Variants in ARHGEF37 observed in about 807,000 individuals in gnomAD.
ARHGEF37 encodes the protein Rho guanine nucleotide exchange factor (GEF) 37.
Under a neutral mutation model 71.1 loss-of-function variants are expected in ARHGEF37, and 55 were observed. That is an observed-to-expected ratio of 0.77 (90% confidence interval 0.62 to 0.97). The LOEUF (loss-of-function observed/expected upper bound fraction) is 0.97. ARHGEF37 is among the 50% of genes least tolerant of loss of function. ARHGEF37 has a pLI of 0.00. For synonymous variants in ARHGEF37, 327 were observed against 350.6 expected, an observed-to-expected ratio of 0.93 and a Z score of 0.75; for missense variants, 765 against 836.8, an observed-to-expected ratio of 0.91 and a Z score of 1.06.
At chr5:149,582,633 ATAGC>A (rs1396751779) in intron 1 of ARHGEF37, among the ~76,000 whole-genome samples, 2 of 150,194 alleles carry the variant, frequency 1.3e-5, no homozygotes, top group Non-Finnish European at 1.5e-5. Flanking sequence ...ATATTTCAAA[ATAGC>A]TAGAAGAGAA....
intron 1 of ARHGEF37, among the ~76,000 whole-genome samples, chr5:149,562,928 T>A (rs1262784269): frequency 1.3e-5 from 2 of 152,054 alleles, no homozygotes; most frequent in Non-Finnish European, 2.9e-5. Context: ...ATCATCCCCC[T>A]CCCCCCTTGG....
intron 3 of ARHGEF37, among the ~76,000 whole-genome samples, chr5:149,608,327 A>C (rs1171049937): frequency 6.6e-6 from 1 of 150,514 alleles, no homozygotes; most frequent in African/African-American, 2.4e-5. Context: ...TTACATATGT[A>C]ATATGACATA....
chr5:149,606,564 T>C (rs1400644681), intron 3 of ARHGEF37: 1 of 152,218 alleles, frequency 6.6e-6, no homozygotes, highest in East Asian at 1.9e-4. Context: ...TAATATATTT[T>C]TCTTCACCCT....
intron 7 of ARHGEF37, among the ~76,000 whole-genome samples, chr5:149,619,531 A>G (rs1186184268): frequency 1.3e-5 from 2 of 152,214 alleles, no homozygotes; most frequent in Non-Finnish European, 2.9e-5. Flanking sequence ...AGGAGCAGCT[A>G]TTCCTCAGCT....
At chr5:149,602,665 AAGG>A (rs533917399) in intron 3 of ARHGEF37, among the ~76,000 whole-genome samples, 270 of 152,022 alleles carry the variant, frequency 1.8e-3, no homozygotes, top group South Asian at 4.0e-3. Context: ...AGCAGAAAGA[AAGG>A]AGGAGTGGGT....
chr5:149,553,515 A>C (rs1762714138), intron 1 of ARHGEF37, among the ~76,000 whole-genome samples: 1 of 151,974 alleles, frequency 6.6e-6, no homozygotes. Flanking sequence ...CACACATCCA[A>C]AGTTTAATGG....
intron 5 of ARHGEF37, 104 bp from the exon 6 acceptor site, chr5:149,618,072 A>G (rs1053685360): frequency 1.3e-6 from 2 of 1,491,630 alleles, no homozygotes; most frequent in Admixed American, 1.8e-5. Context: ...TGTGACCCTG[A>G]TGGAGCAGAG....
intron 5 of ARHGEF37, among the ~76,000 whole-genome samples, 184 bp downstream of exon 5, chr5:149,616,950 T>C (rs1162498637): frequency 3.3e-5 from 5 of 152,222 alleles, no homozygotes; most frequent in Admixed American, 6.5e-5. Context: ...GTAACTCCCT[T>C]GTCTCTGCTC....
chr5:149,590,306 G>A (rs954008665), intron 1 of ARHGEF37, among the ~76,000 whole-genome samples: 2 of 148,964 alleles, frequency 1.3e-5, no homozygotes, highest in Non-Finnish European at 3.0e-5. Context: ...TTTTGAGATG[G>A]AGTCTCACTC....
At chr5:149,625,067 T>G (rs1473623810) in intron 10 of ARHGEF37, among the ~76,000 whole-genome samples, 1 of 151,778 alleles carries the variant, frequency 6.6e-6, no homozygotes, top group African/African-American at 2.4e-5. Context: ...CCTGGCTAAT[T>G]TTGTATTTTT....
chr5:149,595,506 A>T (rs1763519981), intron 1 of ARHGEF37, among the ~76,000 whole-genome samples: 7 of 152,216 alleles, frequency 4.6e-5, no homozygotes, highest in Admixed American at 4.6e-4. Context: ...AAAACATTAT[A>T]CAGGTCTGTA....
intron 10 of ARHGEF37, among the ~76,000 whole-genome samples, chr5:149,626,391 C>A (rs1316857210): frequency 6.6e-6 from 1 of 152,180 alleles, no homozygotes; most frequent in African/African-American, 2.4e-5. Context: ...TGTTGATACT[C>A]TTCTGGAAGC....
At chr5:149,598,042 A>G (rs762225806) in intron 2 of ARHGEF37, 87 bp downstream of exon 2, 9 of 1,444,770 alleles carry the variant, frequency 6.2e-6, no homozygotes, top group Non-Finnish European at 8.3e-6. Flanking sequence ...TTCCTGGGGC[A>G]AGCTTGACAG....
chr5:149,587,835 T>G (rs1278343890), intron 1 of ARHGEF37, among the ~76,000 whole-genome samples: 1 of 152,048 alleles, frequency 6.6e-6, no homozygotes, highest in African/African-American at 2.4e-5. Flanking sequence ...AAACCAGGCT[T>G]GGTAGCCAGG....
chr5:149,588,532 C>G (rs1196913212), intron 1 of ARHGEF37, among the ~76,000 whole-genome samples: 1 of 152,032 alleles, frequency 6.6e-6, no homozygotes, highest in African/African-American at 2.4e-5. Flanking sequence ...CTCCTGGCCT[C>G]ATGTGATCTG....
chr5:149,583,242 T>A (rs1421455067), intron 1 of ARHGEF37, among the ~76,000 whole-genome samples: 1 of 152,208 alleles, frequency 6.6e-6, no homozygotes, highest in East Asian at 1.9e-4. Context: ...GTTCAAGCAA[T>A]TCTCCTGCCT....
chr5:149,601,571 A>G (rs1561796478), intron 3 of ARHGEF37, among the ~76,000 whole-genome samples: 1 of 152,250 alleles, frequency 6.6e-6, no homozygotes, highest in Non-Finnish European at 1.5e-5. Flanking sequence ...CAGGCACAGC[A>G]TCAACGAGAG....
upstream of ARHGEF37, among the ~76,000 whole-genome samples, chr5:149,580,983 C>G (rs375263435): frequency 5.3e-5 from 8 of 152,312 alleles, no homozygotes; most frequent in African/African-American, 1.9e-4. Flanking sequence ...CAGTGTCTTG[C>G]TCCCAGTAGA....
In ARHGEF37 at chr5:149,613,637, G is replaced by A. The variant is rs1376287299; in HGVS notation, c.459-2930G>A. ...TGGGATTACAGGCGTGAGCCACGGC[G>A]CCCGTCTGATAGAATTTTTATGAGG... On this transcript the variant is annotated intron_variant, in intron 4 of 12. Transcript: ENST00000333677. Among the ~76,000 whole-genome samples the A allele has an allele frequency of 2.6e-5, 4 of 152,074 alleles. No homozygotes were observed. In the East Asian group the frequency reaches 5.8e-4, roughly 22 times the overall value.
Sources: gnomAD v4.1 joint callset for allele counts (sites outside exome capture counted in the v4.1 genomes callset) on GRCh38, gnomAD v4.1.1 for gene constraint, MANE v1.5 for transcripts, NCBI Gene and HGNC (gene_info 2026-07-23, HGNC 2026-07-21) for gene names.